The following YIPF2 variants were observed in gnomAD, a reference collection of about 807,000 sequenced individuals.
YIPF2 encodes protein YIPF2.
In YIPF2, 30 loss-of-function variants were observed where a neutral mutation model predicts 38.8. That is an observed-to-expected ratio of 0.77 (90% confidence interval 0.58 to 1.05). YIPF2 has a LOEUF of 1.05. Among genes scored for constraint, YIPF2 ranks in the 50% least tolerant of loss-of-function variants. The pLI is 0.00. For missense variants in YIPF2, 401 were observed against 409.7 expected, an observed-to-expected ratio of 0.98 and a Z score of 0.18; for synonymous variants, 194 against 183.8, an observed-to-expected ratio of 1.06 and a Z score of -0.45.
Position 10,927,779 on chromosome 19 carries a change from G to A in YIPF2, c.192+20C>T, listed in dbSNP as rs763296502. ...CTGGGTCAGCTGGGGGCTGCAAGGA[G>A]GCAGGACACAGGGACTCACCGCGGC... is the stretch of plus-strand genomic sequence containing the variant. On this transcript the variant is annotated intron_variant, in intron 3 of 9. Coordinates refer to ENST00000586748, the MANE Select transcript of YIPF2 (RefSeq NM_001321439.2). 6.2e-7 allele frequency: 1 copy of A among 1,609,390 alleles called. No individual in the cohort carries two copies. The highest frequency in any genetic ancestry group is 1.7e-5 in the Admixed American group (1 of 59,950).
chr19:10,925,631 C>T lies in YIPF2; in HGVS notation c.367+55G>A, dbSNP rs1055404717. ...CAGCTATACACTGGCATCTGCAACTCAGGCCACACTTGTTGAGTGATCCAT... is the reference window on the plus strand; with the variant it reads ...CAGCTATACACTGGCATCTGCAACTTAGGCCACACTTGTTGAGTGATCCAT... On this transcript the variant is annotated intron_variant, in intron 5 of 9. Coordinates refer to ENST00000586748, the MANE Select transcript of YIPF2 (RefSeq NM_001321439.2). 5 of 1,605,044 alleles carry T rather than the reference C, an allele frequency of 3.1e-6. No individual in the cohort carries two copies. The Admixed American group carries it at 5.0e-5, about 16-fold the overall frequency.
rs970283170 is a variant in YIPF2 at position 10,928,559 on chromosome 19, C to T, written c.-79G>A. On this transcript the variant is annotated 5_prime_UTR_variant, in exon 1 of 10. Transcript: ENST00000586748. ...AGGCTTGAACTCGTCGTCCCGTCCC[C>T]ACAGGTGCGCTCCGCCCCCCCTCAC... 8.8e-7 allele frequency: 1 copy of T among 1,132,314 alleles called. No homozygotes were observed. Among genetic ancestry groups the T allele is most frequent in the Non-Finnish European group, 1.2e-6 (1 of 849,572 alleles). 70.1% of individuals were successfully genotyped at this position (1,132,314 alleles called of 1,614,324 possible).
chr19:10,923,180 A>T lies in YIPF2; in HGVS notation c.*20-6T>A, dbSNP rs2074290974. The T allele has an allele frequency of 8.6e-7, 1 of 1,166,862 alleles. No individual in the cohort carries two copies. The highest frequency in any genetic ancestry group is 1.2e-6 in the Non-Finnish European group (1 of 834,266). 72.3% of individuals were successfully genotyped at this position (1,166,862 alleles called of 1,614,324 possible). A position where few individuals can be genotyped will look rare whatever the true frequency, so the allele number is the denominator to read the frequency against. ...TTGGTCCACTTAGGTGTTGCCTGAA[A>T]GAAAGAATTGTCTGGGAGTGGCCCC... On this transcript the variant is annotated splice_region_variant and splice_polypyrimidine_tract_variant and intron_variant, in intron 9 of 9. Coordinates refer to ENST00000586748, the MANE Select transcript of YIPF2 (RefSeq NM_001321439.2).
intron 5 of YIPF2, 57 bp from the exon 6 acceptor site, chr19:10,924,249 C>T (rs538930743): frequency 2.1e-5 from 32 of 1,500,630 alleles, no homozygotes; most frequent in Non-Finnish European, 2.8e-5. Flanking sequence ...GACAAGCAGA[C>T]ATGTATCCTG....
intron 4 of YIPF2, among the ~76,000 whole-genome samples, chr19:10,927,112 A>G (rs960536813): frequency 6.6e-6 from 1 of 151,960 alleles, no homozygotes. Flanking sequence ...ACCTCAGGTG[A>G]TCCACCCACC....
At chr19:10,923,441 A>C (rs2074299740) in intron 8 of YIPF2, 34 bp from the exon 9 acceptor site, 1 of 1,613,146 alleles carries the variant, frequency 6.2e-7, no homozygotes, top group African/African-American at 1.3e-5. Flanking sequence ...AGGCAGGGCC[A>C]GCCCATGCCC....
rs376917978 is a variant in YIPF2 at position 10,925,727 on chromosome 19, T to C, written c.326A>G (p.Asn109Ser). ...KGSLLPRPGH[N>S]FVRHHLRNRP... ...ATTCCGCAGATGGTGCCGCACAAAG[T>C]TGTGGCCAGGCCGGGGCAGCAGTGA... is the stretch of plus-strand genomic sequence containing the variant. The change falls in exon 5 of 10, where the codon AAC (asparagine) becomes AGC (serine). Residue 109 changes from asparagine to serine, a missense_variant. Physicochemically the swap from Asn to Ser is conservative, Grantham distance 46. Coordinates refer to ENST00000586748, the MANE Select transcript of YIPF2 (RefSeq NM_001321439.2). The C allele has an allele frequency of 7.9e-5, 127 of 1,613,928 alleles. 3 individuals are homozygous for C. The highest frequency in any genetic ancestry group is 2.7e-4 in the East Asian group (12 of 44,880).
At chr19:10,928,264 G>A in intron 2 of YIPF2, 116 bp downstream of exon 2, 1 of 1,253,450 alleles carries the variant, frequency 8.0e-7, no homozygotes, top group South Asian at 2.4e-5. Context: ...TCTCACTCCT[G>A]GGTCAGGGTT....
At chr19:10,928,082 G>A in intron 2 of YIPF2, 123 bp from the exon 3 acceptor site, 3 of 1,390,384 alleles carry the variant, frequency 2.2e-6, no homozygotes, top group Admixed American at 2.2e-5. Context: ...CTCCCCCAAG[G>A]TGGGGCCCAA....
chr19:10,923,118 T>TTCAGTCA lies in YIPF2; in HGVS notation c.*69_*75dup. On this transcript the variant is annotated 3_prime_UTR_variant, in exon 10 of 10. Coordinates refer to ENST00000586748, the MANE Select transcript of YIPF2 (RefSeq NM_001321439.2). The stretch of plus-strand genomic sequence containing the variant: ...ATCATCTCAAGGTGTCAAAGGAGCC[T>TTCAGTCA]TCAGTCATCGTCTGGGGGGCAGGAC... 1 of 587,072 alleles carries TTCAGTCA rather than the reference T, an allele frequency of 1.7e-6. No individual in the cohort carries two copies. Among genetic ancestry groups the TTCAGTCA allele is most frequent in the South Asian group, 2.5e-5 (1 of 39,948 alleles). The allele number at this position is 587,072 out of a possible 1,614,324, so 36.4% of individuals were successfully genotyped here.
chr19:10,925,768 C>G lies in YIPF2; in HGVS notation c.285G>C (p.Leu95=). The change falls in exon 5 of 10, where the codon CTG becomes CTC. Residue 95 remains leucine (L), a synonymous_variant. Coordinates refer to ENST00000586748, the MANE Select transcript of YIPF2 (RefSeq NM_001321439.2). The part of the protein sequence containing the change: ...SFFDVDTSQV[L]DRIKGSLLPR... ...GCAGCAGTGAGCCTTTGATCCGGTC[C>G]AGGACCTGGGGGCAAGGCCAAGGTC... 6.2e-7 allele frequency: 1 copy of G among 1,613,748 alleles called. No homozygotes were observed. The highest frequency in any genetic ancestry group is 8.5e-7 in the Non-Finnish European group (1 of 1,179,994).
Position 10,927,812 on chromosome 19 carries a change from C to A in YIPF2, c.179G>T (p.Ser60Ile), listed in dbSNP as rs1327497352. The change falls in exon 3 of 10, where the codon AGT becomes ATT. Residue 60 changes from serine to isoleucine, a missense_variant. Transcript: ENST00000586748. Reference sequence around the variant, plus strand: ...ACAGGGACTCACCGCGGCCTTGTCACTCTCCTCCTCCACCTCATCCTCGGC... The same window carrying A: ...ACAGGGACTCACCGCGGCCTTGTCAATCTCCTCCTCCACCTCATCCTCGGC... ...YGAEDEVEEE[S>I]DKAALLQEQQ... 6.2e-7 allele frequency: 1 copy of A among 1,607,248 alleles called. No individual in the cohort carries two copies. The highest frequency in any genetic ancestry group is 8.5e-7 in the Non-Finnish European group (1 of 1,175,938).
intron 4 of YIPF2, 102 bp downstream of exon 4, chr19:10,927,528 C>T (rs1341328821): frequency 1.3e-5 from 18 of 1,433,064 alleles, no homozygotes; most frequent in South Asian, 2.6e-5. Flanking sequence ...CACCACAGTT[C>T]GTTCACCAGC....
intron 1 of YIPF2, 21 bp from the exon 2 acceptor site, chr19:10,928,461 G>A: frequency 2.2e-6 from 3 of 1,363,684 alleles, no homozygotes; most frequent in Non-Finnish European, 2.8e-6. Context: ...AGACCGGTCA[G>A]GCACACTTCC....
intron 9 of YIPF2, 33 bp from the exon 10 acceptor site, chr19:10,923,207 G>T: frequency 7.2e-7 from 1 of 1,389,206 alleles, no homozygotes; most frequent in Non-Finnish European, 9.8e-7. Context: ...AGTGGCCCCA[G>T]AACCTCTCGC....
intron 5 of YIPF2, 43 bp from the exon 6 acceptor site, chr19:10,924,235 C>A: frequency 2.6e-6 from 4 of 1,548,956 alleles, no homozygotes; most frequent in Non-Finnish European, 3.5e-6. Context: ...CCCTGCACTC[C>A]CAGGACAAGC....
At position 10,925,760 on chromosome 19, in the gene YIPF2, A is replaced by G. The variant is rs775942693; in HGVS notation, c.293T>C (p.Ile98Thr). The change falls in exon 5 of 10, where the codon ATC becomes ACC. Residue 98 changes from isoleucine (I) to threonine (T), a missense_variant. Transcript: ENST00000586748. ...DVDTSQVLDR[I>T]KGSLLPRPGH... ...AGGCCGGGGCAGCAGTGAGCCTTTGATCCGGTCCAGGACCTGGGGGCAAGG... is the reference window on the plus strand; with the variant it reads ...AGGCCGGGGCAGCAGTGAGCCTTTGGTCCGGTCCAGGACCTGGGGGCAAGG... 1 of 1,613,786 alleles carries G rather than the reference A, an allele frequency of 6.2e-7. No homozygotes were observed. The highest frequency in any genetic ancestry group is 8.5e-7 in the Non-Finnish European group (1 of 1,179,976).
chr19:10,923,998 CACTG>C lies in YIPF2; in HGVS notation c.485-3_485del. On this transcript the variant is annotated splice_acceptor_variant and splice_polypyrimidine_tract_variant and coding_sequence_variant and intron_variant, in exon 7 of 10. Transcript: ENST00000586748. LOFTEE classifies it high-confidence loss of function. ...AGTAGATGCTGATGCCTGCCACGGT[CACTG>C]GGGGGGGCAAGGTGAGCAGTCACCC... 1 of 1,612,676 alleles carries C rather than the reference CACTG, an allele frequency of 6.2e-7. No individual in the cohort carries two copies. Among genetic ancestry groups the C allele is most frequent in the Non-Finnish European group, 8.5e-7 (1 of 1,179,326 alleles).
intron 2 of YIPF2, among the ~76,000 whole-genome samples, 198 bp downstream of exon 2, chr19:10,928,182 G>C (rs1224671001): frequency 2.0e-5 from 3 of 152,036 alleles, no homozygotes; most frequent in Non-Finnish European, 4.4e-5. Context: ...GATGGGGTCA[G>C]GGTCTGGGGA....
Sources: allele counts gnomAD v4.1 joint callset (sites outside exome capture counted in the v4.1 genomes callset), GRCh38; gene constraint gnomAD v4.1.1; transcripts MANE v1.5; gene names NCBI Gene and HGNC (gene_info 2026-07-23, HGNC 2026-07-21).